ARSK: variants seen among roughly 807,000 people sequenced by gnomAD.
ARSK encodes arylsulfatase family member K.
In ARSK, 37 loss-of-function variants were observed where a neutral mutation model predicts 53.2. That is an observed-to-expected ratio of 0.70 (90% confidence interval 0.54 to 0.92). The LOEUF is 0.92. ARSK is among the 40% of genes least tolerant of loss of function. ARSK has a pLI of 0.00. For synonymous variants in ARSK, 208 were observed against 223.2 expected (o/e 0.93, Z 0.61); for missense variants, 613 against 643.0 (o/e 0.95, Z 0.51).
intron 4 of ARSK, 124 bp downstream of exon 4, chr5:95,583,322 C>G (rs1055488438): frequency 1.2e-5 from 10 of 814,044 alleles, no homozygotes; most frequent in Non-Finnish European, 1.8e-5. Flanking sequence ...TCAAACTTGA[C>G]CAATAACTAG....
intron 6 of ARSK, 143 bp from the exon 7 acceptor site, chr5:95,600,701 GGCA>G (rs1278137463): frequency 1.2e-6 from 1 of 822,218 alleles, no homozygotes; most frequent in East Asian, 2.7e-5. Flanking sequence ...TGTGAATTTT[GGCA>G]GCCTGTTTAC....
chr5:95,594,187 A>T (rs963869031), intron 6 of ARSK, among the ~76,000 whole-genome samples: 1 of 152,210 alleles, frequency 6.6e-6, no homozygotes, highest in Non-Finnish European at 1.5e-5. Flanking sequence ...ACACTGAAAC[A>T]TTCTATTAAC....
At chr5:95,570,189 C>A (rs1291790305) in intron 3 of ARSK, among the ~76,000 whole-genome samples, 1 of 152,184 alleles carries the variant, frequency 6.6e-6, no homozygotes, top group African/African-American at 2.4e-5. Context: ...GTTAAAATCC[C>A]AAATCCACAA....
intron 1 of ARSK, among the ~76,000 whole-genome samples, chr5:95,561,057 C>A (rs1748624659): frequency 6.6e-6 from 1 of 152,168 alleles, no homozygotes; most frequent in African/African-American, 2.4e-5. Context: ...GATATACCCG[C>A]CTAGGCCTCC....
intron 5 of ARSK, among the ~76,000 whole-genome samples, chr5:95,589,445 C>T (rs1293001585): frequency 6.6e-6 from 1 of 152,158 alleles, no homozygotes; most frequent in Admixed American, 6.6e-5. Flanking sequence ...CCTTCCCTGG[C>T]AGGCCCCAAT....
At position 95,555,405 on chromosome 5, in the gene ARSK, G is replaced by T. The variant is rs1000093461; in HGVS notation, c.126+1G>T. On this transcript the variant is annotated splice_donor_variant, in intron 1 of 7. Coordinates refer to ENST00000380009, the MANE Select transcript of ARSK (RefSeq NM_198150.3). LOFTEE classifies it high-confidence loss of function. The surrounding 1 kb of genome is among the most constrained non-coding windows in gnomAD (Gnocchi z 4.0). ...GGTGCTGGTCGTGAGCGACTCCTTCGTAAGTACCGCGAGGCAGGGGAGGGG... is the reference window on the plus strand; with the variant it reads ...GGTGCTGGTCGTGAGCGACTCCTTCTTAAGTACCGCGAGGCAGGGGAGGGG... 1 of 1,602,186 alleles carries T rather than the reference G, an allele frequency of 6.2e-7. No homozygotes were observed. Among genetic ancestry groups the T allele is most frequent in the African/African-American group, 1.3e-5 (1 of 74,638 alleles).
chr5:95,603,692 A>C lies in ARSK; in HGVS notation c.*166A>C. 1.9e-6 allele frequency: 1 copy of C among 525,470 alleles called. No homozygotes were observed. Among genetic ancestry groups the C allele is most frequent in the Non-Finnish European group, 3.1e-6 (1 of 323,702 alleles). 32.6% of individuals were successfully genotyped at this position (525,470 alleles called of 1,614,324 possible). On this transcript the variant is annotated 3_prime_UTR_variant, in exon 8 of 8. Transcript: ENST00000380009. Reference sequence around the variant, plus strand: ...TGGGAGGCTGAGGAAAGCAGATCACAAGGTCAAGAGATTGAGACCATCCTG... The same window carrying C: ...TGGGAGGCTGAGGAAAGCAGATCACCAGGTCAAGAGATTGAGACCATCCTG...
chr5:95,590,464 T>C (rs1749193353), intron 5 of ARSK, among the ~76,000 whole-genome samples: 1 of 151,904 alleles, frequency 6.6e-6, no homozygotes, highest in Non-Finnish European at 1.5e-5. Flanking sequence ...AATGGAGTGA[T>C]TAGGTAATTT....
chr5:95,594,755 G>T (rs1440838401), intron 6 of ARSK, among the ~76,000 whole-genome samples: 3 of 152,066 alleles, frequency 2.0e-5, no homozygotes, highest in African/African-American at 7.2e-5. Context: ...CAGGAGAATG[G>T]CGTGAATCTG....
intron 3 of ARSK, among the ~76,000 whole-genome samples, chr5:95,574,332 T>C (rs768443328): frequency 2.0e-5 from 3 of 152,228 alleles, no homozygotes; most frequent in Non-Finnish European, 4.4e-5. Flanking sequence ...ATCTCTTTGA[T>C]ATACAGATTT....
chr5:95,596,603 A>T (rs1029982895), intron 6 of ARSK, among the ~76,000 whole-genome samples: 6 of 151,964 alleles, frequency 3.9e-5, no homozygotes, highest in African/African-American at 1.2e-4. Flanking sequence ...TGTATCAAAA[A>T]ATATATATAT....
Position 95,603,383 on chromosome 5 carries a change from A to G in ARSK, c.1468A>G (p.Lys490Glu). The change falls in exon 8 of 8, where the codon AAG becomes GAG. Residue 490 changes from lysine (K) to glutamate (E), a missense_variant. By Grantham distance (56) the Lys-to-Glu change is moderately conservative. Coordinates refer to ENST00000380009, the MANE Select transcript of ARSK (RefSeq NM_198150.3). ...CCAGTATAATAAAGAGCAGTTTATC[A>G]AGTGGAAACAAAGTATAGGACAGAA... ...VHQYNKEQFIKWKQSIGQNYS... is the reference protein window; with the variant it reads ...VHQYNKEQFIEWKQSIGQNYS... 6.2e-7 allele frequency: 1 copy of G among 1,613,770 alleles called. No homozygotes were observed. Among genetic ancestry groups the G allele is most frequent in the Non-Finnish European group, 8.5e-7 (1 of 1,179,826 alleles).
At chr5:95,591,117 C>T (rs555814694) in intron 5 of ARSK, among the ~76,000 whole-genome samples, 105 of 152,108 alleles carry the variant, frequency 6.9e-4, no homozygotes, top group Non-Finnish European at 1.2e-3. Flanking sequence ...TTCCCCTATT[C>T]TCTGGTAGAA....
chr5:95,586,616 C>T lies in ARSK; in HGVS notation c.754C>T (p.Pro252Ser). 1 of 1,611,842 alleles carries T rather than the reference C, an allele frequency of 6.2e-7. No homozygotes were observed. Among genetic ancestry groups the T allele is most frequent in the Non-Finnish European group, 8.5e-7 (1 of 1,179,058 alleles). Residue 252 changes from proline to serine, a missense_variant, in exon 5 of 8, where the codon CCT (proline) becomes TCT (serine). By Grantham distance (74) the Pro-to-Ser change is moderately conservative (BLOSUM62 -1). Coordinates refer to ENST00000380009, the MANE Select transcript of ARSK (RefSeq NM_198150.3). ...PKWSPLSEMH[P>S]VDYYSSYTKN... ...GTGGTCACCTTTGTCAGAAATGCAC[C>T]CTGTAGATTATTACTCTTCTTATAC...
At chr5:95,566,152 G>A in intron 2 of ARSK, 25 bp downstream of exon 2, 1 of 1,606,728 alleles carries the variant, frequency 6.2e-7, no homozygotes, top group Non-Finnish European at 8.5e-7. Context: ...AATATGAATG[G>A]GAGAAAGTGG....
chr5:95,560,087 A>G (rs1011781292), intron 1 of ARSK, among the ~76,000 whole-genome samples: 10 of 152,248 alleles, frequency 6.6e-5, no homozygotes, highest in African/African-American at 2.4e-4. Flanking sequence ...TTAAAGTAAC[A>G]TCAGAATGGA....
intron 3 of ARSK, among the ~76,000 whole-genome samples, chr5:95,571,531 G>T (rs1748831269): frequency 6.6e-6 from 1 of 152,120 alleles, no homozygotes; most frequent in African/African-American, 2.4e-5. Context: ...AACTAATAGA[G>T]GATATCCTGT....
chr5:95,555,115 C>A lies in ARSK; in HGVS notation c.-164C>A. The A allele has an allele frequency of 1.8e-6, 1 of 542,000 alleles. No homozygotes were observed. Among genetic ancestry groups the A allele is most frequent in the South Asian group, 1.8e-5 (1 of 54,496 alleles). The allele number at this position is 542,000 out of a possible 1,614,324, so 33.6% of individuals were successfully genotyped here. ...CTGTTGCGCATGTGCGCGCTCTCCGCCTGATAGGAGTTGTAGTTCTGCGGG... is the reference window on the plus strand; with the variant it reads ...CTGTTGCGCATGTGCGCGCTCTCCGACTGATAGGAGTTGTAGTTCTGCGGG... On this transcript the variant is annotated 5_prime_UTR_variant, in exon 1 of 8. Transcript: ENST00000380009. The surrounding 1 kb of genome is among the most constrained non-coding windows in gnomAD (Gnocchi z 4.0).
intron 1 of ARSK, among the ~76,000 whole-genome samples, chr5:95,564,530 T>C (rs553872118): frequency 2.0e-5 from 3 of 152,334 alleles, no homozygotes; most frequent in East Asian, 3.9e-4. Flanking sequence ...CTTTTCTTTT[T>C]TCCCCCTGCT....
Sources: allele counts gnomAD v4.1 joint callset (sites outside exome capture counted in the v4.1 genomes callset), GRCh38; gene constraint gnomAD v4.1.1; non-coding constraint Gnocchi (gnomAD v3.1); transcripts MANE v1.5; gene names NCBI Gene and HGNC (gene_info 2026-07-23, HGNC 2026-07-21).